ENPP3: variants seen among roughly 807,000 people sequenced by gnomAD.
ENPP3 encodes ectonucleotide pyrophosphatase/phosphodiesterase 3, also known as ectonucleotide pyrophosphatase/phosphodiesterase family member 3.
A neutral mutation model predicts 117.8 loss-of-function variants in ENPP3; 104 were observed. The ratio of observed to expected loss-of-function variants is 0.88; its 90% CI spans 0.75 to 1.04. The LOEUF is 1.04. Among genes scored for constraint, ENPP3 ranks in the 50% least tolerant of loss-of-function variants. ENPP3 has a pLI of 0.00. For missense variants in ENPP3, 1,026 were observed against 1,051.9 expected (o/e 0.98, Z 0.34); for synonymous variants, 380 against 349.9 (o/e 1.09, Z -0.96).
chr6:131,671,057 C>T (rs967562968), intron 6 of ENPP3, among the ~76,000 whole-genome samples, 191 bp from the exon 7 acceptor site: 5 of 152,158 alleles, frequency 3.3e-5, no homozygotes, highest in African/African-American at 4.8e-5. Context: ...TTAGCTCACT[C>T]CTCTCCTAAA....
At chr6:131,732,912 T>C (rs1780316977) in intron 20 of ENPP3, among the ~76,000 whole-genome samples, 1 of 131,244 alleles carries the variant, frequency 7.6e-6, no homozygotes, top group Non-Finnish European at 1.5e-5. Flanking sequence ...GTATTTTTAG[T>C]AGAGACGGGG....
chr6:131,675,414 T>C lies in ENPP3; in HGVS notation c.872+225T>C. The C allele has an allele frequency of 1.5e-5, 7 of 471,926 alleles. No individual in the cohort carries two copies. In the South Asian group the frequency reaches 1.9e-4, roughly 13 times the overall value. 29.2% of individuals were successfully genotyped at this position (471,926 alleles called of 1,614,324 possible). On this transcript the variant is annotated intron_variant, in intron 9 of 24. Transcript: ENST00000357639. Reference sequence around the variant, plus strand: ...GAGAACTTTTTATTACCTCTAGCATTACCACTCTGGTTCGAGCTGTCATCT... The same window carrying C: ...GAGAACTTTTTATTACCTCTAGCATCACCACTCTGGTTCGAGCTGTCATCT...
intron 7 of ENPP3, among the ~76,000 whole-genome samples, chr6:131,672,357 A>G (rs528745125): frequency 6.6e-6 from 1 of 152,054 alleles, no homozygotes; most frequent in South Asian, 2.1e-4. Context: ...CATAGTGCTG[A>G]TGTGGTTTCT....
rs569132248 is a variant in ENPP3 at position 131,729,758 on chromosome 6, T to A, written c.1953+3558T>A. ...TGCCTATTGCATAATCTCGCCTGGA[T>A]AAAGGAGGCCACATCCTCATTCCTA... On this transcript the variant is annotated intron_variant, in intron 20 of 24. Transcript: ENST00000357639. Among the ~76,000 whole-genome samples, 4 of 152,254 alleles carry A rather than the reference T, an allele frequency of 2.6e-5. No homozygotes were observed. The East Asian group carries it at 7.7e-4, about 29-fold the overall frequency.
At chr6:131,745,123 G>A (rs183432486) in intron 24 of ENPP3, among the ~76,000 whole-genome samples, 21 of 152,176 alleles carry the variant, frequency 1.4e-4, no homozygotes, top group East Asian at 9.7e-4. Context: ...GAGTAGAGTC[G>A]TATAAACCAA....
At chr6:131,641,961 A>G (rs1040195068) in intron 2 of ENPP3, among the ~76,000 whole-genome samples, 2 of 151,184 alleles carry the variant, frequency 1.3e-5, no homozygotes, top group African/African-American at 4.9e-5. Flanking sequence ...CACCCGGCTA[A>G]TTTTTGCAGT....
chr6:131,683,521 G>A (rs1779077611), intron 12 of ENPP3, among the ~76,000 whole-genome samples: 1 of 152,080 alleles, frequency 6.6e-6, no homozygotes, highest in South Asian at 2.1e-4. Context: ...TAATTGGCAA[G>A]TTTTGCCACA....
chr6:131,695,398 A>G (rs1779382875), intron 15 of ENPP3, among the ~76,000 whole-genome samples: 1 of 152,302 alleles, frequency 6.6e-6, no homozygotes, highest in South Asian at 2.1e-4. Flanking sequence ...TTTAAAAACC[A>G]GCACTGAAAT....
intron 6 of ENPP3, among the ~76,000 whole-genome samples, chr6:131,666,809 G>A (rs1005602320): frequency 7.2e-5 from 11 of 152,158 alleles, no homozygotes; most frequent in African/African-American, 2.2e-4. Context: ...ACATCTGCAC[G>A]TTGGACAAAA....
intron 18 of ENPP3, among the ~76,000 whole-genome samples, chr6:131,723,159 G>A (rs1780072196): frequency 6.6e-6 from 1 of 152,190 alleles, no homozygotes. Context: ...AGTTCCAAAT[G>A]TGTTTGTAGA....
intron 14 of ENPP3, among the ~76,000 whole-genome samples, chr6:131,686,342 T>A (rs180912415): frequency 1.3e-5 from 2 of 152,292 alleles, no homozygotes; most frequent in Admixed American, 1.3e-4. Flanking sequence ...GGTTCCCACA[T>A]CCCAAATTGT....
chr6:131,674,302 C>A (rs778030072), intron 8 of ENPP3, 21 bp downstream of exon 8: 1 of 1,612,036 alleles, frequency 6.2e-7, no homozygotes, highest in South Asian at 1.1e-5. Flanking sequence ...TTCTACACGT[C>A]GCAACTGAAG....
intron 18 of ENPP3, among the ~76,000 whole-genome samples, chr6:131,723,445 A>G (rs1780079315): frequency 6.6e-6 from 1 of 152,158 alleles, no homozygotes; most frequent in Non-Finnish European, 1.5e-5. Context: ...CTTACTAGGT[A>G]TATTATTTCT....
At chr6:131,722,059 TGGAGAAGAAAGTCA>T (rs1476807580) in intron 17 of ENPP3, among the ~76,000 whole-genome samples, 154 bp from the exon 18 acceptor site, 6 of 152,146 alleles carry the variant, frequency 3.9e-5, no homozygotes, top group Admixed American at 3.3e-4. Flanking sequence ...ATTGAAACCA[TGGAGAAGAAAGTCA>T]GTAAACTGAA....
chr6:131,724,032 T>C lies in ENPP3; in HGVS notation c.1747-8T>C, dbSNP rs753374851. ...TCCTCCCCTTTCCCATCCCTCATTATCTTGCAGAGTACTCAGCTGGAACAA... is the reference window on the plus strand; with the variant it reads ...TCCTCCCCTTTCCCATCCCTCATTACCTTGCAGAGTACTCAGCTGGAACAA... On this transcript the variant is annotated splice_region_variant and splice_polypyrimidine_tract_variant and intron_variant, in intron 18 of 24. Transcript: ENST00000357639. 2 of 1,606,902 alleles carry C rather than the reference T, an allele frequency of 1.2e-6. No homozygotes were observed. The highest frequency in any genetic ancestry group is 2.2e-5 in the East Asian group (1 of 44,818).
intron 14 of ENPP3, among the ~76,000 whole-genome samples, chr6:131,693,253 T>A (rs1245949458): frequency 6.6e-6 from 1 of 151,714 alleles, no homozygotes; most frequent in African/African-American, 2.4e-5. Flanking sequence ...CTTGGCTCAC[T>A]GCAACCTCCA....
At chr6:131,715,615 G>A (rs1163591063) in intron 15 of ENPP3, among the ~76,000 whole-genome samples, 1 of 150,754 alleles carries the variant, frequency 6.6e-6, no homozygotes, top group African/African-American at 2.4e-5. Flanking sequence ...GGATATTGGT[G>A]TAAGGAGACC....
At chr6:131,689,216 A>G (rs1313251007) in intron 14 of ENPP3, among the ~76,000 whole-genome samples, 2 of 152,276 alleles carry the variant, frequency 1.3e-5, no homozygotes, top group Non-Finnish European at 2.9e-5. Flanking sequence ...ACTAAGCAAC[A>G]TATTTTCAAT....
chr6:131,651,753 G>A (rs1778268040), intron 3 of ENPP3, among the ~76,000 whole-genome samples: 1 of 152,166 alleles, frequency 6.6e-6, no homozygotes, highest in Non-Finnish European at 1.5e-5. Context: ...AAGAGGGAGA[G>A]GATAACCCAG....
Sources: gnomAD v4.1 joint callset for allele counts (sites outside exome capture counted in the v4.1 genomes callset) on GRCh38, gnomAD v4.1.1 for gene constraint, MANE v1.5 for transcripts, NCBI Gene and HGNC (gene_info 2026-07-23, HGNC 2026-07-21) for gene names.